Variants in AUTS2 observed in about 807,000 individuals in gnomAD.
AUTS2 encodes the protein autism susceptibility gene 2 protein.
Under a neutral mutation model 112.4 loss-of-function variants are expected in AUTS2, and 17 were observed. The observed-to-expected ratio is 0.15, with a 90% CI of 0.10 to 0.23. The LOEUF (loss-of-function observed/expected upper bound fraction) is 0.23, where lower values mean the gene tolerates loss of function less well. Ranked by LOEUF, AUTS2 falls within the 10% of genes least tolerant of loss-of-function variation. The pLI is 1.00. For missense variants in AUTS2, 1,510 were observed against 1,701.6 expected (o/e 0.89, Z 1.98); for synonymous variants, 751 against 702.7 (o/e 1.07, Z -1.09).
chr7:69,799,585 A>G (rs918788603), intron 1 of AUTS2, among the ~76,000 whole-genome samples: 1 of 152,204 alleles, frequency 6.6e-6, no homozygotes, highest in Non-Finnish European at 1.5e-5. Flanking sequence ...TGTTAAATCT[A>G]CAGTGATACA....
At chr7:69,609,280 G>A (rs1442440396) in intron 1 of AUTS2, among the ~76,000 whole-genome samples, 2 of 152,186 alleles carry the variant, frequency 1.3e-5, no homozygotes, top group Admixed American at 6.5e-5. Flanking sequence ...ATGTGGATGA[G>A]CACCCATGAT....
At chr7:70,589,576 C>T (rs1023286357) in intron 5 of AUTS2, among the ~76,000 whole-genome samples, 7 of 152,178 alleles carry the variant, frequency 4.6e-5, no homozygotes, top group South Asian at 2.1e-4. Context: ...TAGCGGGATG[C>T]GGTGGCAGAC....
At chr7:70,248,128 T>G (rs995954880) in intron 4 of AUTS2, among the ~76,000 whole-genome samples, 1 of 152,212 alleles carries the variant, frequency 6.6e-6, no homozygotes, top group Non-Finnish European at 1.5e-5. Flanking sequence ...GCTGACATTT[T>G]ACTTAGGATT....
chr7:69,726,320 T>G (rs932696531), intron 1 of AUTS2, among the ~76,000 whole-genome samples: 18 of 152,236 alleles, frequency 1.2e-4, no homozygotes, highest in Admixed American at 1.1e-3. Context: ...TGTGTTTGCC[T>G]TCTTCTGTTA....
chr7:70,556,065 C>A (rs1328618314), intron 5 of AUTS2, among the ~76,000 whole-genome samples: 1 of 152,140 alleles, frequency 6.6e-6, no homozygotes, highest in Non-Finnish European at 1.5e-5. Flanking sequence ...CTTGGCCTCC[C>A]AAAGTGCTGG....
chr7:69,802,608 T>G (rs988259950), intron 1 of AUTS2, among the ~76,000 whole-genome samples: 2 of 152,228 alleles, frequency 1.3e-5, no homozygotes, highest in African/African-American at 4.8e-5. Flanking sequence ...AGAGGAACTT[T>G]AGGTTCTTTC....
At chr7:70,157,371 T>C (rs1351175368) in intron 4 of AUTS2, among the ~76,000 whole-genome samples, 3 of 152,168 alleles carry the variant, frequency 2.0e-5, no homozygotes, top group African/African-American at 7.2e-5. Flanking sequence ...CTCAACCACC[T>C]GGGCTTAAGC....
chr7:70,163,348 G>GGGGA (rs1808205501), intron 4 of AUTS2, among the ~76,000 whole-genome samples: 1 of 106,498 alleles, frequency 9.4e-6, no homozygotes, highest in Non-Finnish European at 2.2e-5. Flanking sequence ...TGGTGGTGGG[G>GGGGA]GGGGGGGGGG....
intron 2 of AUTS2, among the ~76,000 whole-genome samples, chr7:70,040,587 G>A (rs1023681364): frequency 6.0e-5 from 9 of 151,142 alleles, no homozygotes; most frequent in African/African-American, 1.7e-4. Flanking sequence ...TGTTGGCTTG[G>A]TGGTACAGCT....
chr7:69,751,667 T>C (rs1787743367), intron 1 of AUTS2, among the ~76,000 whole-genome samples: 1 of 152,228 alleles, frequency 6.6e-6, no homozygotes, highest in Non-Finnish European at 1.5e-5. Context: ...TGTAGACATA[T>C]AATAGTTACT....
At chr7:70,498,428 G>A (rs894967615) in intron 5 of AUTS2, among the ~76,000 whole-genome samples, 5 of 152,144 alleles carry the variant, frequency 3.3e-5, no homozygotes, top group African/African-American at 1.2e-4. Context: ...GAATTGCTTT[G>A]GCACTGATTG....
At chr7:70,232,014 C>T (rs1051125340) in intron 4 of AUTS2, among the ~76,000 whole-genome samples, 7 of 152,070 alleles carry the variant, frequency 4.6e-5, no homozygotes, top group African/African-American at 7.2e-5. Flanking sequence ...ACCTCATGAT[C>T]CGCCCACCTC....
At chr7:69,863,314 T>C (rs181149021) in intron 1 of AUTS2, among the ~76,000 whole-genome samples, 21 of 152,310 alleles carry the variant, frequency 1.4e-4, no homozygotes, top group African/African-American at 4.3e-4. Context: ...TTAGGTATTA[T>C]GTAAGTAATG....
chr7:69,806,197 CTTTTTTTTTTTTTTT>C (rs56704400), intron 1 of AUTS2, among the ~76,000 whole-genome samples: 7 of 55,010 alleles, frequency 1.3e-4, no homozygotes, highest in East Asian at 5.5e-4. Context: ...CCAGCCAAGG[CTTTTTTTTTTTTTTT>C]TTTTTTTTTT....
intron 1 of AUTS2, among the ~76,000 whole-genome samples, chr7:69,820,907 C>T (rs1038323060): frequency 1.3e-5 from 2 of 152,158 alleles, no homozygotes; most frequent in Non-Finnish European, 2.9e-5. Context: ...ATATATTCCT[C>T]ACAAGTTGGA....
intron 2 of AUTS2, among the ~76,000 whole-genome samples, chr7:70,024,830 A>G (rs1052298457): frequency 6.6e-6 from 1 of 152,156 alleles, no homozygotes; most frequent in African/African-American, 2.4e-5. Context: ...AGTTGAATGG[A>G]TAAGACCCAC....
intron 1 of AUTS2, among the ~76,000 whole-genome samples, chr7:69,895,275 T>C (rs927429275): frequency 2.0e-5 from 3 of 152,208 alleles, no homozygotes; most frequent in Non-Finnish European, 2.9e-5. Flanking sequence ...AAAAATTAAA[T>C]AGTTATTTTA....
chr7:69,673,252 G>A (rs999923173), intron 1 of AUTS2, among the ~76,000 whole-genome samples: 4 of 152,158 alleles, frequency 2.6e-5, no homozygotes, highest in African/African-American at 7.2e-5. Flanking sequence ...AGAGATTGTG[G>A]TGCTAAAAAA....
rs969614675 is a variant in AUTS2 at position 70,694,262 on chromosome 7, G to C, written c.691-4307G>C. On this transcript the variant is annotated intron_variant, in intron 5 of 18. Coordinates refer to ENST00000342771, the MANE Select transcript of AUTS2 (RefSeq NM_015570.4). The surrounding 1 kb of genome is among the most constrained non-coding windows in gnomAD (Gnocchi z 4.1). ...GGCCGGAGCCCAGCCAGCCCCGGGC[G>C]CTCACCCGCCAGCCCGCAAGCTCCG... 1 of 149,756 alleles carries C rather than the reference G, an allele frequency of 6.7e-6. No homozygotes were observed. Among genetic ancestry groups the C allele is most frequent in the East Asian group, 2.0e-4 (1 of 4,982 alleles). 9.3% of individuals were successfully genotyped at this position (149,756 alleles called of 1,614,324 possible).
Sources: gnomAD v4.1 joint callset for allele counts (sites outside exome capture counted in the v4.1 genomes callset) on GRCh38, gnomAD v4.1.1 for gene constraint, Gnocchi (gnomAD v3.1) non-coding constraint, MANE v1.5 for transcripts, NCBI Gene and HGNC (gene_info 2026-07-23, HGNC 2026-07-21) for gene names.